The following EFCAB5 variants were observed in gnomAD, a reference collection of about 807,000 sequenced individuals.
EFCAB5 encodes EF-hand calcium binding domain 5, also known as EF-hand calcium-binding domain-containing protein 5.
EFCAB5 carries 131 observed loss-of-function variants against 167.9 expected under a neutral mutation model. The ratio of observed to expected loss-of-function variants is 0.78; its 90% confidence interval spans 0.68 to 0.90. EFCAB5 has a LOEUF of 0.90. Ranked by LOEUF, EFCAB5 falls within the 40% of genes least tolerant of loss-of-function variation. The pLI, the probability that EFCAB5 is intolerant of heterozygous loss-of-function variation, is 0.00. For missense variants in EFCAB5, 1,663 were observed against 1,745.2 expected, an observed-to-expected ratio of 0.95 and a Z score of 0.84; for synonymous variants, 574 against 602.8, an observed-to-expected ratio of 0.95 and a Z score of 0.70.
chr17:30,044,057 G>A (rs776781011), intron 8 of EFCAB5, among the ~76,000 whole-genome samples: 5 of 151,954 alleles, frequency 3.3e-5, no homozygotes, highest in Non-Finnish European at 7.4e-5. Context: ...CTTGCATTCG[G>A]ACCATATAAA....
chr17:30,016,491 A>G (rs1008702533), intron 7 of EFCAB5, among the ~76,000 whole-genome samples: 1 of 152,264 alleles, frequency 6.6e-6, no homozygotes, highest in Admixed American at 6.5e-5. Flanking sequence ...GAAACAAATA[A>G]GAATATAAAG....
intron 7 of EFCAB5, among the ~76,000 whole-genome samples, chr17:30,017,519 A>G (rs934815286): frequency 6.6e-6 from 1 of 152,180 alleles, no homozygotes; most frequent in Non-Finnish European, 1.5e-5. Flanking sequence ...ATAAAAATAT[A>G]ATTGTACTTG....
At chr17:30,053,153 T>C in intron 9 of EFCAB5, 102 bp from the exon 10 acceptor site, 1 of 1,357,800 alleles carries the variant, frequency 7.4e-7, no homozygotes, top group Non-Finnish European at 1.0e-6. Context: ...AGGCCTATAT[T>C]ACAATTTCTG....
intron 9 of EFCAB5, 71 bp from the exon 10 acceptor site, chr17:30,053,184 A>C: frequency 6.7e-7 from 1 of 1,494,530 alleles, no homozygotes; most frequent in Non-Finnish European, 9.0e-7. Flanking sequence ...TTTTCTTTGC[A>C]TTAATTTAAT....
At chr17:30,085,332 C>T (rs955361562) in intron 18 of EFCAB5, among the ~76,000 whole-genome samples, 1 of 152,220 alleles carries the variant, frequency 6.6e-6, no homozygotes, top group African/African-American at 2.4e-5. Flanking sequence ...CAAAGCACCT[C>T]TGTCTATTTC....
In EFCAB5 at chr17:30,080,939, C is replaced by T. The variant is rs143114099; in HGVS notation, c.3384C>T (p.His1128=). The T allele has an allele frequency of 1.7e-4, 267 of 1,613,366 alleles. 1 individual carries two copies. The African/African-American group carries it at 2.7e-3, about 16-fold the overall frequency. ...CTGTTGATACCCTTAGAGATCCCCA[C>T]GAAATAAACATCTTTCTACCTCATG... ...VLAVDTLRDP[H]EINIFLPHEI... is the part of the protein sequence containing the mutation. Residue 1128 remains histidine (H), a synonymous_variant, in exon 17 of 23, where the codon CAC becomes CAT. Transcript: ENST00000394835.
intron 14 of EFCAB5, among the ~76,000 whole-genome samples, chr17:30,063,286 T>C (rs2070474727): frequency 1.3e-5 from 2 of 152,202 alleles, no homozygotes; most frequent in African/African-American, 4.8e-5. Flanking sequence ...CCTGGTCTTA[T>C]AGTGTCTTGG....
chr17:30,010,454 C>T (rs1272407449), intron 7 of EFCAB5, among the ~76,000 whole-genome samples: 7 of 152,192 alleles, frequency 4.6e-5, no homozygotes. Context: ...TTCTCCACAT[C>T]CTCTCCAGCA....
At chr17:30,095,668 G>A (rs755114497) in intron 22 of EFCAB5, among the ~76,000 whole-genome samples, 9 of 152,114 alleles carry the variant, frequency 5.9e-5, no homozygotes, top group South Asian at 2.1e-4. Flanking sequence ...TGATTCTACC[G>A]ACAATCCAGA....
At chr17:29,993,753 T>C (rs1223995004) in intron 5 of EFCAB5, among the ~76,000 whole-genome samples, 1 of 152,098 alleles carries the variant, frequency 6.6e-6, no homozygotes, top group Non-Finnish European at 1.5e-5. Flanking sequence ...GCTAAGCATA[T>C]TTTCAGTTTA....
At chr17:29,951,828 G>C (rs937907971) in intron 3 of EFCAB5, among the ~76,000 whole-genome samples, 1 of 152,136 alleles carries the variant, frequency 6.6e-6, no homozygotes, top group East Asian at 1.9e-4. Flanking sequence ...ACCCTGAGAA[G>C]CATAGTTCAA....
chr17:29,963,687 G>T (rs1000744865), intron 3 of EFCAB5, among the ~76,000 whole-genome samples: 1 of 152,086 alleles, frequency 6.6e-6, no homozygotes, highest in African/African-American at 2.4e-5. Flanking sequence ...ACTTTTCTTT[G>T]TTGGGAAGTT....
At chr17:29,956,810 T>C (rs576464125) in intron 3 of EFCAB5, among the ~76,000 whole-genome samples, 3 of 151,592 alleles carry the variant, frequency 2.0e-5, no homozygotes, top group Non-Finnish European at 2.9e-5. Context: ...ACGGGAGTGA[T>C]TGAAAGAAGG....
At chr17:29,993,106 A>G (rs1809928493) in intron 4 of EFCAB5, 59 bp from the exon 5 acceptor site, 1 of 1,459,742 alleles carries the variant, frequency 6.9e-7, no homozygotes, top group African/African-American at 1.4e-5. Context: ...CCTGTGTTCC[A>G]ATCTGGACCA....
chr17:30,032,362 T>C (rs1001122712), intron 7 of EFCAB5, among the ~76,000 whole-genome samples: 40 of 152,198 alleles, frequency 2.6e-4, no homozygotes, highest in African/African-American at 9.6e-4. Flanking sequence ...CCAAAACTCT[T>C]AAATTTACAT....
chr17:30,101,803 A>T (rs2071386421), intron 22 of EFCAB5, among the ~76,000 whole-genome samples: 1 of 152,196 alleles, frequency 6.6e-6, no homozygotes, highest in Non-Finnish European at 1.5e-5. Context: ...TTTCATTCTG[A>T]TGGGAAATCC....
At chr17:30,083,485 G>T (rs556626398) in intron 18 of EFCAB5, among the ~76,000 whole-genome samples, 12 of 152,166 alleles carry the variant, frequency 7.9e-5, no homozygotes, top group Non-Finnish European at 2.9e-5. Context: ...ACGGAGTCTC[G>T]CTCTTGTTGC....
chr17:30,019,343 T>C (rs1249339648), intron 7 of EFCAB5, among the ~76,000 whole-genome samples: 1 of 152,146 alleles, frequency 6.6e-6, no homozygotes, highest in Non-Finnish European at 1.5e-5. Flanking sequence ...AAAAGGCTTA[T>C]TTTATTTATT....
At chr17:29,949,408 A>G (rs1044967437) in intron 3 of EFCAB5, among the ~76,000 whole-genome samples, 1 of 152,210 alleles carries the variant, frequency 6.6e-6, no homozygotes, top group Admixed American at 6.5e-5. Context: ...CAGAGCTTGA[A>G]AGGCTCTTGA....
Sources: gnomAD v4.1 joint callset for allele counts (sites outside exome capture counted in the v4.1 genomes callset) on GRCh38, gnomAD v4.1.1 for gene constraint, MANE v1.5 for transcripts, NCBI Gene and HGNC (gene_info 2026-07-23, HGNC 2026-07-21) for gene names.